Variants in TRPM1 observed in about 807,000 individuals in gnomAD.
TRPM1 encodes transient receptor potential cation channel subfamily M member 1.
In TRPM1, 113 loss-of-function variants were observed where a neutral mutation model predicts 149.4. That is an observed-to-expected ratio of 0.76 (90% CI 0.65 to 0.88). The LOEUF is 0.88. Ranked by LOEUF, TRPM1 falls within the 40% of genes least tolerant of loss-of-function variation. The pLI is 0.00. For missense variants in TRPM1, 1,976 were observed against 2,038.7 expected (o/e 0.97, Z 0.59); for synonymous variants, 741 against 759.5 (o/e 0.98, Z 0.40).
At chr15:31,136,796 T>C (rs1446532306) in intron 1 of TRPM1, among the ~76,000 whole-genome samples, 1 of 147,402 alleles carries the variant, frequency 6.8e-6, no homozygotes, top group African/African-American at 2.5e-5. Flanking sequence ...GCTCAGCTCA[T>C]TGGAACACTA....
intron 1 of TRPM1, among the ~76,000 whole-genome samples, chr15:31,113,362 G>T (rs961585506): frequency 7.9e-5 from 12 of 151,952 alleles, no homozygotes; most frequent in Non-Finnish European, 1.3e-4. Flanking sequence ...GGCCACCATG[G>T]ACTGTCACAA....
chr15:31,010,402 G>A (rs776333837), intron 27 of TRPM1, among the ~76,000 whole-genome samples: 26 of 151,902 alleles, frequency 1.7e-4, no homozygotes, highest in Non-Finnish European at 3.7e-4. Flanking sequence ...TTTACATGTG[G>A]GTCTTTATAG....
intron 27 of TRPM1, among the ~76,000 whole-genome samples, chr15:31,006,185 CT>C (rs1231278074): frequency 4.0e-5 from 6 of 148,820 alleles, no homozygotes; most frequent in Non-Finnish European, 4.5e-5. Flanking sequence ...CTTTTCTTTT[CT>C]TTTTTTTTTG....
chr15:31,156,722 G>A (rs912691354), intron 1 of TRPM1, among the ~76,000 whole-genome samples: 5 of 152,098 alleles, frequency 3.3e-5, no homozygotes, highest in African/African-American at 9.7e-5. Context: ...GTGCCTGGGC[G>A]CATGTTCTCG....
At chr15:31,113,195 G>C (rs984218086) in intron 1 of TRPM1, among the ~76,000 whole-genome samples, 1 of 152,168 alleles carries the variant, frequency 6.6e-6, no homozygotes, top group East Asian at 1.9e-4. Context: ...TCTCCAGCTG[G>C]TGAATGGTAA....
rs752434138 is a variant in TRPM1 at position 31,003,038 on chromosome 15, A to G, written c.3662T>C (p.Ile1221Thr). ...TTTCATAAAAGTTTCTCTTTCATTGATTTCTTCCAACCTCATTGACATATT... is the reference window on the plus strand; with the variant it reads ...TTTCATAAAAGTTTCTCTTTCATTGGTTTCTTCCAACCTCATTGACATATT... ...VENMSMRLEEINERETFMKTS... is the reference protein window; with the variant it reads ...VENMSMRLEETNERETFMKTS... The change falls in exon 28 of 28, where the codon ATC (isoleucine) becomes ACC (threonine). Residue 1221 changes from isoleucine to threonine, a missense_variant. Around this residue, in one of 3 missense-constraint regions of TRPM1, gnomAD observed 572 missense variants for 578.9 expected, o/e 0.99. Coordinates refer to ENST00000256552, the MANE Select transcript of TRPM1 (RefSeq NM_001252024.2). The G allele has an allele frequency of 1.6e-5, 26 of 1,601,222 alleles. No individual in the cohort carries two copies. The Admixed American group carries it at 4.1e-4, about 25-fold the overall frequency.
At chr15:31,133,188 G>A (rs1567073288) in intron 1 of TRPM1, among the ~76,000 whole-genome samples, 1 of 152,174 alleles carries the variant, frequency 6.6e-6, no homozygotes, top group Admixed American at 6.5e-5. Context: ...TGTAATCCTA[G>A]CACTTTGGGA....
chr15:31,053,898 A>G (rs2034014311), intron 11 of TRPM1, among the ~76,000 whole-genome samples: 1 of 152,258 alleles, frequency 6.6e-6, no homozygotes, highest in Non-Finnish European at 1.5e-5. Context: ...AATATTATTC[A>G]GCCTTAAAAG....
chr15:31,121,590 C>A (rs940748281), intron 1 of TRPM1, among the ~76,000 whole-genome samples: 1 of 152,122 alleles, frequency 6.6e-6, no homozygotes, highest in African/African-American at 2.4e-5. Context: ...GAACAAATTC[C>A]TTGAAACACA....
chr15:31,153,928 G>A (rs2036335444), intron 1 of TRPM1, among the ~76,000 whole-genome samples: 2 of 152,226 alleles, frequency 1.3e-5, no homozygotes, highest in Non-Finnish European at 2.9e-5. Flanking sequence ...GAGGACCAGA[G>A]TCCTGCTTCC....
chr15:31,001,663 C>A lies in TRPM1; in HGVS notation c.*159G>T. ...AACTAAGCCTACTAACATATGCTAA[C>A]AAAATACTACTTTTAGTGCATTAAA... On this transcript the variant is annotated 3_prime_UTR_variant, in exon 28 of 28. Transcript: ENST00000256552. The A allele has an allele frequency of 1.4e-6, 1 of 728,820 alleles. No homozygotes were observed. The highest frequency in any genetic ancestry group is 2.7e-5 in the East Asian group (1 of 37,248). 45.1% of individuals were successfully genotyped at this position (728,820 alleles called of 1,614,324 possible). A position where few individuals can be genotyped will look rare whatever the true frequency, so the allele number is the denominator to read the frequency against.
chr15:31,105,464 TGTGTGTGTGCGC>T (rs1400169527), upstream of TRPM1, among the ~76,000 whole-genome samples: 2,560 of 73,800 alleles, frequency 0.035, 84 homozygotes, highest in African/African-American at 0.11. Context: ...TGTGTGTGTG[TGTGTGTGTGCGC>T]GCGCGCGCGC....
At chr15:31,089,717 C>T (rs994259669) in intron 1 of TRPM1, among the ~76,000 whole-genome samples, 14 of 152,234 alleles carry the variant, frequency 9.2e-5, no homozygotes, top group African/African-American at 3.4e-4. Context: ...CTTGGATGAC[C>T]TCTCCAAGGC....
At chr15:31,093,230 C>T (rs1030914497) in intron 1 of TRPM1, among the ~76,000 whole-genome samples, 5 of 137,578 alleles carry the variant, frequency 3.6e-5, no homozygotes, top group Non-Finnish European at 6.1e-5. Flanking sequence ...CACTGCACTC[C>T]AGCCTGGGCG....
At chr15:31,053,092 A>G (rs990404128) in intron 11 of TRPM1, among the ~76,000 whole-genome samples, 2 of 152,246 alleles carry the variant, frequency 1.3e-5, no homozygotes, top group African/African-American at 4.8e-5. Context: ...AACCTGATTC[A>G]AAAATAGGCA....
chr15:31,047,002 G>C (rs2033784072), intron 15 of TRPM1, 109 bp downstream of exon 15: 2 of 1,465,436 alleles, frequency 1.4e-6, no homozygotes, highest in African/African-American at 1.4e-5. Flanking sequence ...AGCTGTGCTG[G>C]GGACAGGGCG....
intron 23 of TRPM1, 71 bp from the exon 24 acceptor site, chr15:31,029,462 A>G: frequency 3.4e-6 from 5 of 1,489,110 alleles, no homozygotes; most frequent in Non-Finnish European, 4.7e-6. Context: ...AGAAAATAAG[A>G]TGATGGTTGA....
chr15:31,104,646 T>G (rs903615677), upstream of TRPM1, among the ~76,000 whole-genome samples: 11 of 137,750 alleles, frequency 8.0e-5, no homozygotes, highest in Non-Finnish European at 1.2e-4. Flanking sequence ...CAGGCTGGAG[T>G]GCAGTGGCGC....
At chr15:31,097,058 G>A (rs8039170) in intron 1 of TRPM1, among the ~76,000 whole-genome samples, 124,913 of 152,300 alleles carry the variant, frequency 0.82, 51,764 homozygotes, top group East Asian at 0.98. Context: ...CTATGATAAC[G>A]TTTAATGAAT....
Sources: allele counts gnomAD v4.1 joint callset (sites outside exome capture counted in the v4.1 genomes callset), GRCh38; gene constraint gnomAD v4.1.1; regional missense constraint gnomAD v4.1.1; transcripts MANE v1.5; gene names NCBI Gene and HGNC (gene_info 2026-07-23, HGNC 2026-07-21).